Variants in KDM4C observed in about 807,000 individuals in gnomAD.
KDM4C encodes the protein lysine-specific demethylase 4C.
KDM4C carries 81 observed loss-of-function variants against 129.3 expected under a neutral mutation model. That is an observed-to-expected ratio of 0.63 (90% CI 0.52 to 0.75). The LOEUF is 0.75. Among genes scored for constraint, KDM4C ranks in the 30% least tolerant of loss-of-function variants. KDM4C has a pLI of 0.00. For missense variants in KDM4C, 1,457 were observed against 1,304.0 expected (o/e 1.12, Z -1.81); for synonymous variants, 573 against 456.1 (o/e 1.26, Z -3.26).
chr9:6,797,997 C>T (rs913831077), intron 2 of KDM4C, among the ~76,000 whole-genome samples: 3 of 152,234 alleles, frequency 2.0e-5, no homozygotes, highest in Non-Finnish European at 2.9e-5. Flanking sequence ...TTTTAAAGAT[C>T]TCAGTATGTT....
chr9:6,845,124 TG>T (rs1837624011), intron 4 of KDM4C, among the ~76,000 whole-genome samples: 1 of 152,256 alleles, frequency 6.6e-6, no homozygotes, highest in Non-Finnish European at 1.5e-5. Context: ...GTTGCTGTGT[TG>T]TTCCCTTCAG....
At chr9:6,846,236 T>C (rs1488153372) in intron 4 of KDM4C, among the ~76,000 whole-genome samples, 1 of 152,254 alleles carries the variant, frequency 6.6e-6, no homozygotes, top group Non-Finnish European at 1.5e-5. Context: ...AGGAGTCAGA[T>C]AGATTTAGGT....
At chr9:6,940,881 T>TA (rs1825815105) in intron 8 of KDM4C, among the ~76,000 whole-genome samples, 1 of 143,186 alleles carries the variant, frequency 7.0e-6, no homozygotes, top group Non-Finnish European at 1.6e-5. Context: ...ATAAGAAACT[T>TA]AAATTTACAA....
intron 1 of KDM4C, among the ~76,000 whole-genome samples, chr9:6,760,542 TTTTATTTATTTATTTATTTA>T (rs370646653): frequency 6.3e-5 from 9 of 143,934 alleles, no homozygotes; most frequent in African/African-American, 2.1e-4. Context: ...TGATACTCTT[TTTTATTTATTTATTTATTTA>T]TTTATTTATT....
At chr9:7,057,215 C>G (rs1054723152) in intron 17 of KDM4C, among the ~76,000 whole-genome samples, 20 of 152,170 alleles carry the variant, frequency 1.3e-4, no homozygotes, top group African/African-American at 4.8e-4. Flanking sequence ...CATTTTCATA[C>G]TTGGAGTTAG....
chr9:7,124,405 C>T (rs978879092), intron 18 of KDM4C, among the ~76,000 whole-genome samples: 2 of 152,186 alleles, frequency 1.3e-5, no homozygotes, highest in Non-Finnish European at 2.9e-5. Flanking sequence ...TCACTCAGGG[C>T]CACTGTCTGT....
intron 4 of KDM4C, chr9:6,834,662 CTCA>C: frequency 1.2e-6 from 1 of 802,004 alleles, no homozygotes; most frequent in Non-Finnish European, 2.3e-6. Context: ...CCTGAAGTGC[CTCA>C]TCGAGCATGG....
At chr9:7,115,852 G>C (rs926714686) in intron 18 of KDM4C, among the ~76,000 whole-genome samples, 3 of 152,174 alleles carry the variant, frequency 2.0e-5, no homozygotes, top group African/African-American at 7.2e-5. Flanking sequence ...TGGAATATTG[G>C]AGCATCCTGG....
At chr9:6,856,194 A>T (rs1839780906) in intron 5 of KDM4C, among the ~76,000 whole-genome samples, 1 of 152,110 alleles carries the variant, frequency 6.6e-6, no homozygotes, top group Admixed American at 6.5e-5. Context: ...ATCTAAGAAC[A>T]TTAGGGATTA....
intron 8 of KDM4C, among the ~76,000 whole-genome samples, chr9:6,979,721 A>G (rs1228163202): frequency 6.6e-6 from 1 of 152,198 alleles, no homozygotes; most frequent in Non-Finnish European, 1.5e-5. Flanking sequence ...TAGCCTTGTT[A>G]TGCTAGGATT....
chr9:7,000,063 G>T (rs1054462890), intron 12 of KDM4C, among the ~76,000 whole-genome samples: 1 of 152,118 alleles, frequency 6.6e-6, no homozygotes, highest in African/African-American at 2.4e-5. Flanking sequence ...GTTTTCCTGC[G>T]TTATGTGGAC....
At chr9:7,036,472 C>G (rs1252220642) in intron 15 of KDM4C, among the ~76,000 whole-genome samples, 2 of 152,156 alleles carry the variant, frequency 1.3e-5, no homozygotes. Context: ...TGGCTTGTAA[C>G]ATAGCTACCA....
intron 5 of KDM4C, among the ~76,000 whole-genome samples, chr9:6,869,810 C>G (rs1483418204): frequency 1.3e-5 from 2 of 152,204 alleles, no homozygotes; most frequent in Admixed American, 1.3e-4. Context: ...TGCAGCATCC[C>G]CTATAGCCAT....
At chr9:6,879,112 C>G (rs1337831004) in intron 5 of KDM4C, among the ~76,000 whole-genome samples, 1 of 152,112 alleles carries the variant, frequency 6.6e-6, no homozygotes, top group Admixed American at 6.6e-5. Flanking sequence ...AGTTAAGTTA[C>G]TTTAGTAAGA....
chr9:6,779,828 C>T (rs564722604), intron 1 of KDM4C, among the ~76,000 whole-genome samples: 3 of 152,162 alleles, frequency 2.0e-5, no homozygotes, highest in Non-Finnish European at 4.4e-5. Context: ...ACCAGATGTG[C>T]ATCACATGGA....
chr9:6,818,132 G>A (rs1333376909), intron 4 of KDM4C, among the ~76,000 whole-genome samples: 1 of 152,140 alleles, frequency 6.6e-6, no homozygotes, highest in African/African-American at 2.4e-5. Flanking sequence ...ATATATGCAT[G>A]CCTGTGATTG....
At chr9:7,067,058 A>G (rs184382417) in intron 17 of KDM4C, among the ~76,000 whole-genome samples, 8 of 152,364 alleles carry the variant, frequency 5.3e-5, no homozygotes, top group African/African-American at 1.9e-4. Flanking sequence ...ATAATTAGAA[A>G]ATGAAGGAAC....
intron 8 of KDM4C, among the ~76,000 whole-genome samples, chr9:6,961,014 A>G (rs1787721064): frequency 6.6e-6 from 1 of 152,182 alleles, no homozygotes; most frequent in South Asian, 2.1e-4. Flanking sequence ...GAACAGCAAG[A>G]GGTGGCTTCT....
intron 4 of KDM4C, 117 bp from the exon 5 acceptor site, chr9:6,849,390 A>C: frequency 1.3e-6 from 1 of 756,744 alleles, no homozygotes; most frequent in Non-Finnish European, 2.0e-6. Flanking sequence ...TTCAGTTTTC[A>C]GTTAGTTAGA....
Sources: allele counts gnomAD v4.1 joint callset (sites outside exome capture counted in the v4.1 genomes callset), GRCh38; gene constraint gnomAD v4.1.1; transcripts MANE v1.5; gene names NCBI Gene and HGNC (gene_info 2026-07-23, HGNC 2026-07-21).